The following PDGFD variants were observed in gnomAD, a reference collection of about 807,000 sequenced individuals.
The protein encoded by PDGFD is platelet derived growth factor D.
Under a neutral mutation model 44.7 loss-of-function variants are expected in PDGFD, and 30 were observed. The observed-to-expected ratio is 0.67, with a 90% CI of 0.50 to 0.91. The LOEUF (loss-of-function observed/expected upper bound fraction) is 0.91, where lower values mean the gene tolerates loss of function less well. PDGFD is among the 40% of genes least tolerant of loss of function. The probability of loss-of-function intolerance (pLI) is 0.00; values close to 1 mark genes in which losing one functional copy is unlikely to be tolerated. For missense variants in PDGFD, 445 were observed against 457.8 expected (o/e 0.97, Z 0.25); for synonymous variants, 173 against 168.4 (o/e 1.03, Z -0.21).
intron 1 of PDGFD, among the ~76,000 whole-genome samples, chr11:104,054,767 GC>G (rs1860595841): frequency 6.6e-6 from 1 of 152,192 alleles, no homozygotes; most frequent in African/African-American, 2.4e-5. Flanking sequence ...AGATACTTAA[GC>G]AAGTTGAAAT....
chr11:104,031,341 G>A (rs1375010150), intron 1 of PDGFD, among the ~76,000 whole-genome samples: 1 of 152,116 alleles, frequency 6.6e-6, no homozygotes, highest in East Asian at 1.9e-4. Context: ...GACATGAACA[G>A]ACACTTCTCA....
chr11:104,100,910 G>A (rs1861367745), intron 1 of PDGFD, among the ~76,000 whole-genome samples: 1 of 152,050 alleles, frequency 6.6e-6, no homozygotes, highest in Non-Finnish European at 1.5e-5. Context: ...AACCCTTCAT[G>A]CTAAAAACTC....
At chr11:104,129,954 A>G (rs1861894164) in intron 1 of PDGFD, among the ~76,000 whole-genome samples, 1 of 151,060 alleles carries the variant, frequency 6.6e-6, no homozygotes, top group African/African-American at 2.4e-5. Context: ...GGGTGCAGTG[A>G]GCCAAGATTG....
At chr11:103,974,400 T>C (rs1204310148) in intron 3 of PDGFD, among the ~76,000 whole-genome samples, 2 of 152,172 alleles carry the variant, frequency 1.3e-5, no homozygotes, top group Non-Finnish European at 2.9e-5. Context: ...AGCTACTCTA[T>C]AGCACCTTCC....
chr11:104,097,604 T>C (rs985058342), intron 1 of PDGFD, among the ~76,000 whole-genome samples: 4 of 152,176 alleles, frequency 2.6e-5, no homozygotes, highest in Admixed American at 2.0e-4. Context: ...AGAGATTATA[T>C]TGACACTTTA....
At chr11:104,056,223 T>A (rs1860614652) in intron 1 of PDGFD, among the ~76,000 whole-genome samples, 1 of 152,218 alleles carries the variant, frequency 6.6e-6, no homozygotes, top group East Asian at 1.9e-4. Context: ...TTTATATTCT[T>A]TACATTGAAC....
chr11:104,093,076 G>A (rs1283853847), intron 1 of PDGFD, among the ~76,000 whole-genome samples: 1 of 152,172 alleles, frequency 6.6e-6, no homozygotes, highest in Admixed American at 6.5e-5. Flanking sequence ...TGGTCCCCCA[G>A]CTCCTGGGTG....
chr11:104,046,473 T>C (rs1415058503), intron 1 of PDGFD, among the ~76,000 whole-genome samples: 1 of 147,760 alleles, frequency 6.8e-6, no homozygotes, highest in Non-Finnish European at 1.5e-5. Flanking sequence ...TGCCATCACT[T>C]GTACTCCAAA....
intron 1 of PDGFD, among the ~76,000 whole-genome samples, chr11:104,058,984 G>A (rs1424930233): frequency 6.6e-6 from 1 of 152,180 alleles, no homozygotes; most frequent in Admixed American, 6.5e-5. Context: ...GGATAGGGGA[G>A]GGGATCAACT....
At chr11:103,928,592 C>T (rs573714146) in intron 5 of PDGFD, among the ~76,000 whole-genome samples, 2 of 152,312 alleles carry the variant, frequency 1.3e-5, no homozygotes, top group East Asian at 3.9e-4. Flanking sequence ...TACAACTGTG[C>T]TTTGATTCTC....
At chr11:104,037,038 G>A (rs778332946) in intron 1 of PDGFD, 3 of 1,614,226 alleles carry the variant, frequency 1.9e-6, no homozygotes, top group South Asian at 2.2e-5. Flanking sequence ...GCGATATCGT[G>A]GTTTTACTGC....
At chr11:104,068,540 T>C (rs1467026792) in intron 1 of PDGFD, among the ~76,000 whole-genome samples, 1 of 152,212 alleles carries the variant, frequency 6.6e-6, no homozygotes, top group Non-Finnish European at 1.5e-5. Flanking sequence ...CAAATATAAA[T>C]TACATAATTG....
intron 1 of PDGFD, among the ~76,000 whole-genome samples, chr11:104,085,464 AACG>A (rs1461508171): frequency 6.6e-6 from 1 of 152,164 alleles, no homozygotes; most frequent in African/African-American, 2.4e-5. Flanking sequence ...TCATTCACTG[AACG>A]ACATTTCTGT....
chr11:103,958,911 T>C (rs1003539731), intron 3 of PDGFD, among the ~76,000 whole-genome samples: 2 of 152,140 alleles, frequency 1.3e-5, no homozygotes, highest in Admixed American at 6.5e-5. Context: ...AAACTCAAAT[T>C]ATTCCATTAC....
chr11:104,010,176 T>C (rs1859761790), intron 1 of PDGFD, among the ~76,000 whole-genome samples: 1 of 145,826 alleles, frequency 6.9e-6, no homozygotes, highest in African/African-American at 2.5e-5. Context: ...TGTTTGCCAG[T>C]TACATATCTT....
At chr11:104,024,598 C>G (rs1043793513) in intron 1 of PDGFD, among the ~76,000 whole-genome samples, 1 of 152,146 alleles carries the variant, frequency 6.6e-6, no homozygotes, top group Non-Finnish European at 1.5e-5. Context: ...TACAGTAACA[C>G]GTTGTACAGG....
chr11:103,922,956 T>TTTA (rs1458140834), intron 6 of PDGFD, among the ~76,000 whole-genome samples: 3 of 152,118 alleles, frequency 2.0e-5, no homozygotes, highest in Non-Finnish European at 4.4e-5. Context: ...TTTTCCCCAG[T>TTTA]TTATTACCAT....
At chr11:104,138,990 G>C (rs1340294285) in intron 1 of PDGFD, among the ~76,000 whole-genome samples, 2 of 152,154 alleles carry the variant, frequency 1.3e-5, no homozygotes, top group Admixed American at 6.5e-5. Context: ...TCGAACTCCT[G>C]ACCTCAGGTG....
intron 3 of PDGFD, among the ~76,000 whole-genome samples, chr11:103,979,031 T>A (rs1859224732): frequency 6.6e-6 from 1 of 152,058 alleles, no homozygotes; most frequent in South Asian, 2.1e-4. Flanking sequence ...TTGCAGATGC[T>A]TTCCCCATGA....
Sources: gnomAD v4.1 joint callset for allele counts (sites outside exome capture counted in the v4.1 genomes callset) on GRCh38, gnomAD v4.1.1 for gene constraint, MANE v1.5 for transcripts, NCBI Gene and HGNC (gene_info 2026-07-23, HGNC 2026-07-21) for gene names.